The following RBFOX1 variants were observed in gnomAD, a reference collection of about 807,000 sequenced individuals.
RBFOX1 encodes the protein RNA binding fox-1 homolog 1, also known as RNA binding protein fox-1 homolog 1.
RBFOX1 carries 8 observed loss-of-function variants against 57.7 expected under a neutral mutation model. The ratio of observed to expected loss-of-function variants is 0.14; its 90% CI spans 0.08 to 0.25. RBFOX1 has a LOEUF of 0.25. Among genes scored for constraint, RBFOX1 ranks in the 10% least tolerant of loss-of-function variants. RBFOX1 has a pLI of 1.00. For missense variants in RBFOX1, 611 were observed against 548.5 expected, an observed-to-expected ratio of 1.11 and a Z score of -1.14; for synonymous variants, 326 against 222.4, an observed-to-expected ratio of 1.47 and a Z score of -4.15.
chr16:6,966,152 A>G (rs1365081162), intron 3 of RBFOX1, among the ~76,000 whole-genome samples: 1 of 152,114 alleles, frequency 6.6e-6, no homozygotes, highest in African/African-American at 2.4e-5. Flanking sequence ...CACTAAAAGG[A>G]GACATTTACG....
At chr16:6,773,638 G>T (rs1188533588) in intron 3 of RBFOX1, among the ~76,000 whole-genome samples, 1 of 135,858 alleles carries the variant, frequency 7.4e-6, no homozygotes, top group Non-Finnish European at 1.6e-5. Flanking sequence ...ATTTGTGTGT[G>T]TATGTGTGGG....
At chr16:5,756,758 A>T (rs192005745) in intron 3 of RBFOX1, among the ~76,000 whole-genome samples, 1 of 152,162 alleles carries the variant, frequency 6.6e-6, no homozygotes, top group Non-Finnish European at 1.5e-5. Context: ...CATGAAATCA[A>T]TGGAGATGTT....
chr16:7,358,943 T>A (rs1402097815), intron 4 of RBFOX1, among the ~76,000 whole-genome samples: 1 of 152,242 alleles, frequency 6.6e-6, no homozygotes, highest in Non-Finnish European at 1.5e-5. Flanking sequence ...ATCCATAAAG[T>A]AAAACATTTC....
chr16:7,247,596 C>A (rs1171964566), intron 4 of RBFOX1, among the ~76,000 whole-genome samples: 1 of 152,190 alleles, frequency 6.6e-6, no homozygotes, highest in Non-Finnish European at 1.5e-5. Context: ...GCCCCCAGGT[C>A]ATCCTTAAAT....
chr16:7,639,001 AAAG>A (rs1269160441), intron 11 of RBFOX1, among the ~76,000 whole-genome samples: 3 of 150,426 alleles, frequency 2.0e-5, no homozygotes, highest in Non-Finnish European at 2.9e-5. Flanking sequence ...AGTAGTACAT[AAAG>A]ATAGGTACCC....
chr16:5,842,886 C>G (rs988294514), intron 3 of RBFOX1, among the ~76,000 whole-genome samples: 1 of 152,118 alleles, frequency 6.6e-6, no homozygotes, highest in Non-Finnish European at 1.5e-5. Flanking sequence ...TGGCATGATC[C>G]TGGCTCACTG....
chr16:6,572,470 A>C (rs1476284717), intron 2 of RBFOX1, among the ~76,000 whole-genome samples: 2 of 152,214 alleles, frequency 1.3e-5, no homozygotes, highest in Non-Finnish European at 2.9e-5. Flanking sequence ...CTAAGCGTGC[A>C]TGTACAAATA....
intron 4 of RBFOX1, among the ~76,000 whole-genome samples, chr16:5,948,382 A>G (rs184538682): frequency 1.3e-5 from 2 of 152,292 alleles, no homozygotes; most frequent in East Asian, 1.9e-4. Flanking sequence ...CAGTGGGGAC[A>G]TTGATTTCTC....
intron 3 of RBFOX1, among the ~76,000 whole-genome samples, chr16:5,806,839 AG>A (rs1320650378): frequency 6.6e-6 from 1 of 152,248 alleles, no homozygotes; most frequent in African/African-American, 2.4e-5. Flanking sequence ...TCACGTCGTC[AG>A]GGGCTCTTCT....
chr16:6,857,772 G>A (rs145706935), intron 3 of RBFOX1, among the ~76,000 whole-genome samples: 1 of 152,120 alleles, frequency 6.6e-6, no homozygotes, highest in African/African-American at 2.4e-5. Flanking sequence ...ATTTTGTTCT[G>A]TCAGCACTTT....
chr16:7,335,605 A>C lies in RBFOX1; in HGVS notation c.28-182542A>C, dbSNP rs2096772022. ...TAAAGAAAAAAAAAAAAAAAAAAAA[A>C]AAAACCAAGTGATTTACCAGTCATT... On this transcript the variant is annotated intron_variant, in intron 4 of 15. Transcript: ENST00000550418. Among the ~76,000 whole-genome samples the C allele has an allele frequency of 1.7e-4, 11 of 64,176 alleles. No individual in the cohort carries two copies. In the South Asian group the frequency reaches 3.9e-3, roughly 23 times the overall value. 42.1% of individuals were successfully genotyped at this position (64,176 alleles called of 152,430 possible). A position where few individuals can be genotyped will look rare whatever the true frequency, so the allele number is the denominator to read the frequency against.
At chr16:5,576,641 T>G (rs1195527964) in intron 2 of RBFOX1, among the ~76,000 whole-genome samples, 1 of 152,244 alleles carries the variant, frequency 6.6e-6, no homozygotes, top group Non-Finnish European at 1.5e-5. Flanking sequence ...CCGCTGGTTT[T>G]GGAGGTATGG....
intron 3 of RBFOX1, among the ~76,000 whole-genome samples, chr16:6,967,741 C>A (rs557709687): frequency 1.3e-5 from 2 of 152,154 alleles, no homozygotes; most frequent in African/African-American, 4.8e-5. Flanking sequence ...TTGTTTGTGC[C>A]CATCTGCCCG....
At chr16:6,671,445 T>C (rs1410185499) in intron 3 of RBFOX1, among the ~76,000 whole-genome samples, 2 of 152,226 alleles carry the variant, frequency 1.3e-5, no homozygotes, top group African/African-American at 4.8e-5. Flanking sequence ...ATCATTTTAT[T>C]AATTTGATAT....
At chr16:7,551,163 T>A (rs536933037) in intron 5 of RBFOX1, among the ~76,000 whole-genome samples, 2 of 151,636 alleles carry the variant, frequency 1.3e-5, no homozygotes, top group African/African-American at 4.8e-5. Context: ...TAACAGGGAC[T>A]GGTGTGCACC....
At chr16:5,989,843 A>AACACACACACACAC (rs199624083) in intron 4 of RBFOX1, among the ~76,000 whole-genome samples, 88 of 20,742 alleles carry the variant, frequency 4.2e-3, no homozygotes, top group African/African-American at 0.019. Context: ...AACACCCCCT[A>AACACACACACACAC]ACACACACAC....
intron 1 of RBFOX1, among the ~76,000 whole-genome samples, chr16:6,065,658 G>C (rs1354490873): frequency 3.9e-5 from 6 of 152,170 alleles, no homozygotes; most frequent in African/African-American, 1.4e-4. Context: ...CCTCGTCTTT[G>C]AGATGTGATA....
chr16:7,126,861 G>C (rs2151907883), intron 4 of RBFOX1, among the ~76,000 whole-genome samples: 1 of 151,782 alleles, frequency 6.6e-6, no homozygotes, highest in East Asian at 1.9e-4. Context: ...ACAAAAAAAT[G>C]AGCTGGATGT....
At chr16:6,816,245 A>T (rs2090038772) in intron 3 of RBFOX1, among the ~76,000 whole-genome samples, 2 of 152,134 alleles carry the variant, frequency 1.3e-5, no homozygotes, top group Admixed American at 1.3e-4. Context: ...GGAGTTCAAG[A>T]CCGTAGTAAG....
Sources: gnomAD v4.1 joint callset for allele counts (sites outside exome capture counted in the v4.1 genomes callset) on GRCh38, gnomAD v4.1.1 for gene constraint, MANE v1.5 for transcripts, NCBI Gene and HGNC (gene_info 2026-07-23, HGNC 2026-07-21) for gene names.